DYNC2H1: variants seen among roughly 807,000 people sequenced by gnomAD.
The protein encoded by DYNC2H1 is cytoplasmic dynein 2 heavy chain 1.
Under a neutral mutation model 570.0 loss-of-function variants are expected in DYNC2H1, and 410 were observed. The observed-to-expected ratio is 0.72, with a 90% CI of 0.66 to 0.78. The LOEUF (loss-of-function observed/expected upper bound fraction) is 0.78. Among genes scored for constraint, DYNC2H1 ranks in the 30% least tolerant of loss-of-function variants. The pLI, the probability that DYNC2H1 is intolerant of heterozygous loss-of-function variation, is 0.00. For synonymous variants in DYNC2H1, 1,688 were observed against 1,677.6 expected (o/e 1.01, Z -0.15); for missense variants, 4,865 against 5,046.4 (o/e 0.96, Z 1.09).
At chr11:103,230,100 A>C (rs1863948903) in intron 59 of DYNC2H1, among the ~76,000 whole-genome samples, 1 of 152,160 alleles carries the variant, frequency 6.6e-6, no homozygotes. Flanking sequence ...TTTGGTGTAC[A>C]CTGAAGTTTG....
chr11:103,233,901 T>G (rs1264787975), intron 60 of DYNC2H1, 133 bp from the exon 61 acceptor site: 2 of 692,862 alleles, frequency 2.9e-6, no homozygotes, highest in Non-Finnish European at 4.5e-6. Flanking sequence ...CTATTAATGA[T>G]ACTTTGTATG....
intron 75 of DYNC2H1, among the ~76,000 whole-genome samples, chr11:103,291,749 A>G (rs1455203526): frequency 2.0e-5 from 3 of 152,330 alleles, no homozygotes; most frequent in East Asian, 3.9e-4. Flanking sequence ...TGTTGGGTGT[A>G]TAGATACTTA....
chr11:103,426,286 C>G (rs1159303182), intron 84 of DYNC2H1, among the ~76,000 whole-genome samples: 2 of 152,180 alleles, frequency 1.3e-5, no homozygotes, highest in African/African-American at 4.8e-5. Context: ...TCGAGGCTCT[C>G]AGCTCTGAAG....
At position 103,234,065 on chromosome 11, in the gene DYNC2H1, C is replaced by T; in HGVS notation, c.9472C>T (p.Leu3158Phe). 2 of 1,561,264 alleles carry T rather than the reference C, an allele frequency of 1.3e-6. No homozygotes were observed. The highest frequency in any genetic ancestry group is 1.7e-6 in the Non-Finnish European group (2 of 1,151,678). The change falls in exon 61 of 89, where the codon CTT becomes TTT. Residue 3158 changes from leucine (L) to phenylalanine (F), a missense_variant. This residue lies in a region of DYNC2H1 where 2,401 missense variants were observed against 2,454.6 expected (regional missense o/e 0.98). Transcript: ENST00000375735. The part of the protein sequence containing the change: ...FQSRTSEAAK[L>F]EAEVSKAQET... Reference sequence around the variant, plus strand: ...GAGCAGGACTTCAGAAGCTGCCAAACTTGAGGCTGAAGTAAGCAAGGCACA... The same window carrying T: ...GAGCAGGACTTCAGAAGCTGCCAAATTTGAGGCTGAAGTAAGCAAGGCACA...
At position 103,174,083 on chromosome 11, in the gene DYNC2H1, G is replaced by T; in HGVS notation, c.5587G>T (p.Asp1863Tyr). 2 of 1,590,068 alleles carry T rather than the reference G, an allele frequency of 1.3e-6. No homozygotes were observed. The highest frequency in any genetic ancestry group is 2.3e-5 in the East Asian group (1 of 44,106). Residue 1863 changes from aspartate (D) to tyrosine (Y), a missense_variant, in exon 36 of 89, where the codon GAT becomes TAT. Transcript: ENST00000375735. ...ACTTTTGACACCTCAGCAACATTAT[G>T]ATTGGGGTTTGAGAGCTTTGAAGAC... ...RELLTPQQHY[D>Y]WGLRALKTVL... is the part of the protein sequence containing the mutation.
chr11:103,384,025 C>G (rs896082779), intron 83 of DYNC2H1, among the ~76,000 whole-genome samples: 2 of 152,080 alleles, frequency 1.3e-5, no homozygotes, highest in Non-Finnish European at 2.9e-5. Flanking sequence ...TGACAGTAAT[C>G]TTTTGAAATT....
intron 82 of DYNC2H1, among the ~76,000 whole-genome samples, chr11:103,351,798 C>T (rs1055024680): frequency 6.6e-6 from 1 of 151,868 alleles, no homozygotes; most frequent in African/African-American, 2.4e-5. Context: ...GAAAATGTTG[C>T]CTCATTTTTC....
chr11:103,220,829 C>G lies in DYNC2H1; in HGVS notation c.9107+46C>G, dbSNP rs182957086. The G allele has an allele frequency of 2.2e-5, 34 of 1,522,632 alleles. 3 individuals carry two copies. In the South Asian group the frequency reaches 4.1e-4, roughly 18 times the overall value. 94.3% of individuals were successfully genotyped at this position (1,522,632 alleles called of 1,614,324 possible). A position where few individuals can be genotyped will look rare whatever the true frequency, so the allele number is the denominator to read the frequency against. ...AAAATATTATTTCGGCAATGAATGA[C>G]ACATTCTTTCGTAGTTTTAAATATT... On this transcript the variant is annotated intron_variant, in intron 57 of 88. Transcript: ENST00000375735.
At chr11:103,117,375 T>C (rs979920469) in intron 5 of DYNC2H1, among the ~76,000 whole-genome samples, 13 of 151,014 alleles carry the variant, frequency 8.6e-5, no homozygotes, top group African/African-American at 2.9e-4. Context: ...GTGTGCTGCA[T>C]ATGTATTTCT....
chr11:103,222,222 T>G, intron 58 of DYNC2H1, 69 bp downstream of exon 58: 1 of 1,080,220 alleles, frequency 9.3e-7, no homozygotes, highest in Non-Finnish European at 1.3e-6. Flanking sequence ...TAAAATGTGG[T>G]GCTTTGTCAT....
chr11:103,248,640 A>T (rs1182100148), intron 65 of DYNC2H1, among the ~76,000 whole-genome samples: 1 of 152,050 alleles, frequency 6.6e-6, no homozygotes, highest in African/African-American at 2.4e-5. Flanking sequence ...CAAAATTCAG[A>T]CAGATAAAAT....
intron 24 of DYNC2H1, 144 bp from the exon 25 acceptor site, chr11:103,155,187 T>G: frequency 1.3e-6 from 1 of 796,808 alleles, no homozygotes; most frequent in Non-Finnish European, 1.9e-6. Flanking sequence ...TGTTTAAGAA[T>G]ATGATTTTAA....
intron 81 of DYNC2H1, among the ~76,000 whole-genome samples, chr11:103,321,630 A>T (rs1376993581): frequency 6.6e-6 from 1 of 152,158 alleles, no homozygotes; most frequent in Non-Finnish European, 1.5e-5. Context: ...ATGTGTCTTC[A>T]GTTTCTGGCT....
At chr11:103,428,727 A>G (rs1002139988) in intron 84 of DYNC2H1, among the ~76,000 whole-genome samples, 1 of 152,164 alleles carries the variant, frequency 6.6e-6, no homozygotes, top group Non-Finnish European at 1.5e-5. Flanking sequence ...AAGTGGAATC[A>G]TAACAGTATT....
chr11:103,163,103 C>T lies in DYNC2H1; in HGVS notation c.4567C>T (p.Arg1523Ter), dbSNP rs778083367. The change falls in exon 30 of 89, where the codon CGA (arginine) becomes TGA (stop). Residue 1523 changes from arginine to a stop codon, truncating the protein, a stop_gained. Transcript: ENST00000375735. LOFTEE classifies it high-confidence loss of function. The surrounding 1 kb of genome is among the most constrained non-coding windows in gnomAD (Gnocchi z 4.6). ...GTTGAAGGAATGTGTTACTACTGGG[C>T]GAAGTTCTCAAGGTGCAGTTGACCC... ...QLLKECVTTG[R>*]SSQGAVDPSL... 16 of 1,612,744 alleles carry T rather than the reference C, an allele frequency of 9.9e-6. No individual in the cohort carries two copies. The highest frequency in any genetic ancestry group is 1.1e-5 in the Non-Finnish European group (13 of 1,179,176).
intron 88 of DYNC2H1, among the ~76,000 whole-genome samples, chr11:103,471,546 G>C (rs1166442384): frequency 6.6e-6 from 1 of 152,180 alleles, no homozygotes; most frequent in Non-Finnish European, 1.5e-5. Flanking sequence ...ATATGTTTGT[G>C]TGTGTGTAAA....
intron 87 of DYNC2H1, among the ~76,000 whole-genome samples, chr11:103,459,286 G>A (rs1434884929): frequency 1.8e-5 from 2 of 112,544 alleles, no homozygotes; most frequent in Non-Finnish European, 3.6e-5. Context: ...TCCAGCCTGG[G>A]CGACAGAGCG....
intron 83 of DYNC2H1, among the ~76,000 whole-genome samples, chr11:103,360,205 CTAAAA>C (rs1940572707): frequency 6.6e-6 from 1 of 151,836 alleles, no homozygotes; most frequent in Admixed American, 6.6e-5. Context: ...ATAATTTCCC[CTAAAA>C]TAAAATTATG....
rs1861694720 is a variant in DYNC2H1, at chr11:103,177,940, A to G, written c.6139+120A>G. On this transcript the variant is annotated intron_variant, in intron 38 of 88. Transcript: ENST00000375735. The surrounding 1 kb of genome is among the most constrained non-coding windows in gnomAD (Gnocchi z 4.4). ...GACCATAAAGTCATAATTAAGTTAA[A>G]ATGATGTACATTTGATATTTTACTT... is the stretch of plus-strand genomic sequence containing the variant. The G allele has an allele frequency of 1.7e-6, 2 of 1,145,726 alleles. No homozygotes were observed. Among genetic ancestry groups the G allele is most frequent in the Admixed American group, 3.7e-5 (1 of 26,700 alleles). 71.0% of individuals were successfully genotyped at this position (1,145,726 alleles called of 1,614,324 possible). A position where few individuals can be genotyped will look rare whatever the true frequency, so the allele number is the denominator to read the frequency against.
Sources: allele counts gnomAD v4.1 joint callset (sites outside exome capture counted in the v4.1 genomes callset), GRCh38; gene constraint gnomAD v4.1.1; regional missense constraint gnomAD v4.1.1; non-coding constraint Gnocchi (gnomAD v3.1); transcripts MANE v1.5; gene names NCBI Gene and HGNC (gene_info 2026-07-23, HGNC 2026-07-21).